The following AVPR1B variants were observed in gnomAD, a reference collection of about 807,000 sequenced individuals.
AVPR1B encodes the protein arginine vasopressin receptor 1B.
In AVPR1B, 25 loss-of-function variants were observed where a neutral mutation model predicts 27.5. That is an observed-to-expected ratio of 0.91 (90% CI 0.66 to 1.27). The LOEUF (loss-of-function observed/expected upper bound fraction) is 1.27. Ranked by LOEUF, AVPR1B falls within the 50% of genes most tolerant of loss-of-function variation. The pLI, the probability that AVPR1B is intolerant of heterozygous loss-of-function variation, is 0.00. For synonymous variants in AVPR1B, 248 were observed against 240.2 expected (o/e 1.03, Z -0.30); for missense variants, 595 against 556.9 (o/e 1.07, Z -0.69).
chr1:206,110,660 A>AT (rs1663361967), intron 1 of AVPR1B, 137 bp from the exon 2 acceptor site: 1 of 723,018 alleles, frequency 1.4e-6, no homozygotes, highest in Non-Finnish European at 2.2e-6. Flanking sequence ...GTGTCCTATA[A>AT]TTAGAGAGAC....
chr1:206,113,772 C>A (rs1332806100), intron 1 of AVPR1B, among the ~76,000 whole-genome samples: 4 of 152,208 alleles, frequency 2.6e-5, no homozygotes, highest in African/African-American at 7.2e-5. Context: ...CAAGCCCAAG[C>A]TCTATCTCTC....
At chr1:206,114,192 T>C (rs1041719830) in intron 1 of AVPR1B, among the ~76,000 whole-genome samples, 2 of 152,068 alleles carry the variant, frequency 1.3e-5, no homozygotes, top group Non-Finnish European at 2.9e-5. Flanking sequence ...CAAAATGAGA[T>C]CAGAAACAAC....
At position 206,116,312 on chromosome 1, in the gene AVPR1B, A is replaced by G. The variant is rs782724697; in HGVS notation, c.579T>C (p.Pro193=). ...AGGTGAGGTAGGCCCGTGGCCCCCA[A>G]GGGAAGCCGAAGTCTGCCCAGCAGT... ...VLDCWADFGF[P]WGPRAYLTWT... Residue 193 remains proline (P), a synonymous_variant, in exon 1 of 2, where the codon CCT becomes CCC. Transcript: ENST00000367126. The G allele has an allele frequency of 1.2e-6, 2 of 1,613,552 alleles. No homozygotes were observed. The highest frequency in any genetic ancestry group is 1.7e-5 in the Admixed American group (1 of 60,028).
chr1:206,109,865 C>G lies in AVPR1B; in HGVS notation c.*324G>C, dbSNP rs1663340445. 2 of 286,208 alleles carry G rather than the reference C, an allele frequency of 7.0e-6. No homozygotes were observed. Among genetic ancestry groups the G allele is most frequent in the South Asian group, 1.6e-4 (2 of 12,438 alleles). 17.7% of individuals were successfully genotyped at this position (286,208 alleles called of 1,614,324 possible). A position where few individuals can be genotyped will look rare whatever the true frequency, so the allele number is the denominator to read the frequency against. ...TCTGAATTCCTGCCACCCGTGGACC[C>G]CTAGACAGCACCATCCTAGGCCTGC... On this transcript the variant is annotated 3_prime_UTR_variant, in exon 2 of 2. Coordinates refer to ENST00000367126, the MANE Select transcript of AVPR1B (RefSeq NM_000707.5).
chr1:206,113,331 G>T lies in AVPR1B; in HGVS notation c.940+2620C>A, dbSNP rs1663410199. ...GGGGCAGGGACAAGGAAACAAGCAGGCTCTGACCAAAGACTTGGGGCTAGG... is the reference window on the plus strand; with the variant it reads ...GGGGCAGGGACAAGGAAACAAGCAGTCTCTGACCAAAGACTTGGGGCTAGG... On this transcript the variant is annotated intron_variant, in intron 1 of 1. Transcript: ENST00000367126. Among the ~76,000 whole-genome samples the T allele has an allele frequency of 1.3e-5, 2 of 152,180 alleles. 1 individual carries two copies. Among genetic ancestry groups the T allele is most frequent in the South Asian group, 4.1e-4 (2 of 4,832 alleles).
rs1376961150 is a variant in AVPR1B, at chr1:206,117,118, G to C, written c.-228C>G. 1.8e-6 allele frequency: 1 copy of C among 564,460 alleles called. No individual in the cohort carries two copies. Among genetic ancestry groups the C allele is most frequent in the Non-Finnish European group, 3.1e-6 (1 of 320,096 alleles). 35.0% of individuals were successfully genotyped at this position (564,460 alleles called of 1,614,324 possible). A position where few individuals can be genotyped will look rare whatever the true frequency, so the allele number is the denominator to read the frequency against. ...ATGTGACTGGGATCGACCCAGGAGA[G>C]GGAGAAGGAGGGGTCAGGAAGATGG... is the stretch of plus-strand genomic sequence containing the variant. On this transcript the variant is annotated 5_prime_UTR_variant, in exon 1 of 2. Coordinates refer to ENST00000367126, the MANE Select transcript of AVPR1B (RefSeq NM_000707.5).
intron 1 of AVPR1B, among the ~76,000 whole-genome samples, chr1:206,115,349 T>A (rs1434268836): frequency 1.3e-5 from 2 of 152,242 alleles, no homozygotes; most frequent in African/African-American, 4.8e-5. Flanking sequence ...TAATAAACTT[T>A]TGCTACTTTG....
At position 206,107,596 on chromosome 1, in the gene AVPR1B, G is replaced by C. The variant is rs1553289175; in HGVS notation, c.*2593C>G. Among the ~76,000 whole-genome samples, 1 of 152,192 alleles carries C rather than the reference G, an allele frequency of 6.6e-6. No individual in the cohort carries two copies. Among genetic ancestry groups the C allele is most frequent in the Admixed American group, 6.5e-5 (1 of 15,292 alleles). On this transcript the variant is annotated 3_prime_UTR_variant, in exon 2 of 2. Transcript: ENST00000367126. ...AAAGATCAAGTGTAGCCTTTCCATG[G>C]GAGGAACAATGAGGGCTCCAAAGCC...
chr1:206,112,508 G>A (rs963531511), intron 1 of AVPR1B, among the ~76,000 whole-genome samples: 18 of 152,062 alleles, frequency 1.2e-4, no homozygotes, highest in Non-Finnish European at 2.4e-4. Context: ...TTTGAGACAG[G>A]GTCTCGCTCT....
At chr1:206,110,589 G>T in intron 1 of AVPR1B, 66 bp from the exon 2 acceptor site, 1 of 1,380,472 alleles carries the variant, frequency 7.2e-7, no homozygotes, top group Non-Finnish European at 9.8e-7. Context: ...GAGCGTCCAG[G>T]CCCCACAGAT....
At chr1:206,111,164 A>G (rs1663370336) in intron 1 of AVPR1B, among the ~76,000 whole-genome samples, 1 of 152,098 alleles carries the variant, frequency 6.6e-6, no homozygotes, top group South Asian at 2.1e-4. Flanking sequence ...ATTGCCCCCT[A>G]CAGCCAAGGG....
At position 206,110,113 on chromosome 1, in the gene AVPR1B, C is replaced by G; in HGVS notation, c.*76G>C. 6.8e-7 allele frequency: 1 copy of G among 1,479,906 alleles called. No individual in the cohort carries two copies. The highest frequency in any genetic ancestry group is 9.1e-7 in the Non-Finnish European group (1 of 1,100,954). 91.7% of individuals were successfully genotyped at this position (1,479,906 alleles called of 1,614,324 possible). On this transcript the variant is annotated 3_prime_UTR_variant, in exon 2 of 2. Transcript: ENST00000367126. ...AACTCCAACCCTTACCCTCCCAGCT[C>G]TCATTTCCAGTGCCCGAGGTGGGCA... is the stretch of plus-strand genomic sequence containing the variant.
At chr1:206,111,278 C>G (rs1431236601) in intron 1 of AVPR1B, among the ~76,000 whole-genome samples, 2 of 145,178 alleles carry the variant, frequency 1.4e-5, no homozygotes, top group African/African-American at 5.6e-5. Context: ...CAGGGAAAAA[C>G]TAATTTCTCT....
rs1663339674 is a variant in AVPR1B at position 206,109,812 on chromosome 1, G to C, written c.*377C>G. 1 of 197,958 alleles carries C rather than the reference G, an allele frequency of 5.1e-6. No homozygotes were observed. Among genetic ancestry groups the C allele is most frequent in the South Asian group, 1.7e-4 (1 of 6,050 alleles). 12.3% of individuals were successfully genotyped at this position (197,958 alleles called of 1,614,324 possible). On this transcript the variant is annotated 3_prime_UTR_variant, in exon 2 of 2. Coordinates refer to ENST00000367126, the MANE Select transcript of AVPR1B (RefSeq NM_000707.5). Reference sequence around the variant, plus strand: ...GATGTGCCAGTCAGGTTAGAATGGAGACAGGTAGCCAGGGCACAAGGCCAG... The same window carrying C: ...GATGTGCCAGTCAGGTTAGAATGGACACAGGTAGCCAGGGCACAAGGCCAG...
chr1:206,110,220 C>T lies in AVPR1B; in HGVS notation c.1244G>A (p.Gly415Glu), dbSNP rs782484789. ...ESPRDLELAD[G>E]EGTAETIIF is the part of the protein sequence containing the mutation. ...GATGATGGTCTCAGCGGTGCCTTCC[C>T]CATCTGCCAGCTCCAAGTCCCTTGG... is the stretch of plus-strand genomic sequence containing the variant. The change falls in exon 2 of 2, where the codon GGG (glycine) becomes GAG (glutamate). Residue 415 changes from glycine (G) to glutamate (E), a missense_variant. Physicochemically the swap from Gly to Glu is moderately conservative, Grantham distance 98. Transcript: ENST00000367126. 3 of 1,612,656 alleles carry T rather than the reference C, an allele frequency of 1.9e-6. No individual in the cohort carries two copies. In the South Asian group the frequency reaches 3.3e-5, roughly 18 times the overall value.
intron 1 of AVPR1B, among the ~76,000 whole-genome samples, chr1:206,113,411 T>A (rs1218336241): frequency 1.3e-5 from 2 of 152,110 alleles, no homozygotes; most frequent in Non-Finnish European, 2.9e-5. Context: ...GAAAGCAAGT[T>A]TAAAGTAATG....
At position 206,116,987 on chromosome 1, in the gene AVPR1B, AAGG is replaced by A; in HGVS notation, c.-100_-98del. ...TGGAGTGGCAGGGGAGGTGGAGAGAAAGGAGAAGCGTTGAGAATGACAGGGAGA... is the reference window on the plus strand; with the variant it reads ...TGGAGTGGCAGGGGAGGTGGAGAGAAAGAAGCGTTGAGAATGACAGGGAGA... On this transcript the variant is annotated 5_prime_UTR_variant, in exon 1 of 2. Coordinates refer to ENST00000367126, the MANE Select transcript of AVPR1B (RefSeq NM_000707.5). The A allele has an allele frequency of 1.7e-6, 2 of 1,165,358 alleles. No homozygotes were observed. Among genetic ancestry groups the A allele is most frequent in the Middle Eastern group, 2.0e-4 (1 of 4,934 alleles). 72.2% of individuals were successfully genotyped at this position (1,165,358 alleles called of 1,614,324 possible).
At position 206,110,097 on chromosome 1, in the gene AVPR1B, C is replaced by T; in HGVS notation, c.*92G>A. ...TAGACAGGGCTCCTCTAACTCCAAC[C>T]CTTACCCTCCCAGCTCTCATTTCCA... On this transcript the variant is annotated 3_prime_UTR_variant, in exon 2 of 2. Transcript: ENST00000367126. The T allele has an allele frequency of 7.0e-7, 1 of 1,418,830 alleles. No homozygotes were observed. The highest frequency in any genetic ancestry group is 9.5e-7 in the Non-Finnish European group (1 of 1,055,046). 87.9% of individuals were successfully genotyped at this position (1,418,830 alleles called of 1,614,324 possible).
chr1:206,115,822 C>T, intron 1 of AVPR1B, 129 bp downstream of exon 1: 2 of 852,634 alleles, frequency 2.3e-6, no homozygotes, highest in Non-Finnish European at 3.5e-6. Context: ...GGAGCAGGCA[C>T]CATCTTCCTT....
Sources: gnomAD v4.1 joint callset for allele counts (sites outside exome capture counted in the v4.1 genomes callset) on GRCh38, gnomAD v4.1.1 for gene constraint, MANE v1.5 for transcripts, NCBI Gene and HGNC (gene_info 2026-07-23, HGNC 2026-07-21) for gene names.